Variants in ZSCAN5A observed in about 807,000 individuals in gnomAD.
ZSCAN5A encodes zinc finger and SCAN domain containing 5A.
ZSCAN5A carries 12 observed loss-of-function variants against 23.7 expected under a neutral mutation model. The observed-to-expected ratio is 0.51, with a 90% CI of 0.32 to 0.82. The LOEUF (loss-of-function observed/expected upper bound fraction) is 0.82. Ranked by LOEUF, ZSCAN5A falls within the 40% of genes least tolerant of loss-of-function variation. The pLI is 0.03. For synonymous variants in ZSCAN5A, 257 were observed against 239.9 expected (o/e 1.07, Z -0.66); for missense variants, 597 against 617.9 (o/e 0.97, Z 0.36).
chr19:56,353,563 G>T (rs948147412), intron 2 of ZSCAN5A, among the ~76,000 whole-genome samples: 3 of 152,058 alleles, frequency 2.0e-5, no homozygotes, highest in African/African-American at 7.2e-5. Flanking sequence ...AGGTCAGGAG[G>T]TCAGGAGATC....
At chr19:56,222,847 G>A in intron 4 of ZSCAN5A, 106 bp from the exon 5 acceptor site, 1 of 1,516,594 alleles carries the variant, frequency 6.6e-7, no homozygotes. Flanking sequence ...TAATGACACA[G>A]GTGTGGAAAT....
At chr19:56,244,066 A>AT in intron 2 of ZSCAN5A, 3 of 1,125,712 alleles carry the variant, frequency 2.7e-6, no homozygotes, top group Non-Finnish European at 3.9e-6. Context: ...GCAACTCCTC[A>AT]TGGGGTCAGG....
chr19:56,300,950 G>A (rs1259087063), intron 2 of ZSCAN5A, among the ~76,000 whole-genome samples: 1 of 152,176 alleles, frequency 6.6e-6, no homozygotes, highest in African/African-American at 2.4e-5. Context: ...GAAAGATCCT[G>A]CTGGCACTCA....
intron 2 of ZSCAN5A, among the ~76,000 whole-genome samples, chr19:56,302,532 C>CCCACCCCCCTTCCTT: frequency 3.7e-5 from 1 of 26,678 alleles, no homozygotes; most frequent in South Asian, 1.7e-3. Flanking sequence ...CTCCCTCCCT[C>CCCACCCCCCTTCCTT]TTCTTCCTCC....
chr19:56,332,736 G>A (rs896793394), intron 2 of ZSCAN5A, among the ~76,000 whole-genome samples: 1 of 152,150 alleles, frequency 6.6e-6, no homozygotes, highest in African/African-American at 2.4e-5. Flanking sequence ...TTTATTGGGT[G>A]GTTGCTTTAT....
chr19:56,340,765 C>T (rs1314302355), intron 2 of ZSCAN5A: 1 of 152,146 alleles, frequency 6.6e-6, no homozygotes, highest in East Asian at 1.9e-4. Context: ...TTTTGGTAAC[C>T]TCGAATTTTC....
At chr19:56,240,079 T>C (rs1485577718) in intron 2 of ZSCAN5A, among the ~76,000 whole-genome samples, 2 of 151,946 alleles carry the variant, frequency 1.3e-5, no homozygotes, top group Non-Finnish European at 2.9e-5. Context: ...GGAGAATCGC[T>C]TGAACCCAGG....
At chr19:56,338,416 A>G (rs765318748) in intron 2 of ZSCAN5A, 1 of 152,166 alleles carries the variant, frequency 6.6e-6, no homozygotes, top group African/African-American at 2.4e-5. Context: ...GATGGAGACA[A>G]TCTCCACAGC....
intron 2 of ZSCAN5A, among the ~76,000 whole-genome samples, chr19:56,328,851 T>C (rs916037512): frequency 6.0e-5 from 9 of 149,914 alleles, no homozygotes; most frequent in African/African-American, 2.0e-4. Flanking sequence ...AAAAATTAGC[T>C]GGGCATGGTG....
chr19:56,297,479 T>C, intron 2 of ZSCAN5A: 1 of 978,500 alleles, frequency 1.0e-6, no homozygotes, highest in South Asian at 4.7e-5. Context: ...CCTGCTTCTT[T>C]TTCTCCTCCA....
rs781036565 is a variant in ZSCAN5A at position 56,245,996 on chromosome 19, AC to A, written c.-127-20824del. Among the ~76,000 whole-genome samples, 101 of 152,224 alleles carry A rather than the reference AC, an allele frequency of 6.6e-4. 1 individual carries two copies. The highest frequency in any genetic ancestry group is 5.5e-3 in the Admixed American group (84 of 15,272). ...GTGGTGCCAGGGGTTAGGGGCCTCC[AC>A]CTAGAGTCATGCTCCTTCCAGTGTC... On this transcript the variant is annotated intron_variant, in intron 2 of 5. Transcript: ENST00000683990.
At chr19:56,261,136 A>T (rs1284539848) in intron 2 of ZSCAN5A, among the ~76,000 whole-genome samples, 1 of 151,740 alleles carries the variant, frequency 6.6e-6, no homozygotes, top group Non-Finnish European at 1.5e-5. Context: ...TGAACTTGGG[A>T]GGCGGAGGTT....
chr19:56,329,350 GAAAACA>G (rs1202719830), intron 2 of ZSCAN5A, among the ~76,000 whole-genome samples: 2 of 151,708 alleles, frequency 1.3e-5, no homozygotes, highest in Non-Finnish European at 1.5e-5. Flanking sequence ...CTCTGTCTCA[GAAAACA>G]AAAACAAAAA....
chr19:56,304,863 C>T (rs570789124), intron 2 of ZSCAN5A: 2 of 929,766 alleles, frequency 2.2e-6, no homozygotes, highest in Admixed American at 6.2e-5. Context: ...GCTTTTCCCA[C>T]CGCTGGGGTG....
At chr19:56,339,287 T>G (rs543407070) in intron 2 of ZSCAN5A, among the ~76,000 whole-genome samples, 4 of 152,244 alleles carry the variant, frequency 2.6e-5, no homozygotes, top group African/African-American at 9.6e-5. Context: ...TTTAGCAATA[T>G]GCGAAGGAGC....
chr19:56,253,088 C>T (rs988623043), intron 2 of ZSCAN5A, among the ~76,000 whole-genome samples: 4 of 152,150 alleles, frequency 2.6e-5, no homozygotes, highest in Non-Finnish European at 5.9e-5. Flanking sequence ...GACTTAGAAG[C>T]TGGGAGGCAA....
At chr19:56,247,196 A>C in intron 2 of ZSCAN5A, 2 of 514,596 alleles carry the variant, frequency 3.9e-6, no homozygotes, top group Non-Finnish European at 7.1e-6. Flanking sequence ...CTCCGCGTCC[A>C]CCAGCGAATC....
Position 56,224,895 on chromosome 19 carries a change from C to T in ZSCAN5A, c.152G>A (p.Ser51Asn). 1 of 1,614,194 alleles carries T rather than the reference C, an allele frequency of 6.2e-7. No homozygotes were observed. Residue 51 changes from serine to asparagine, a missense_variant, in exon 3 of 6, where the codon AGC (serine) becomes AAC (asparagine). Around this residue, in one of 5 missense-constraint regions of ZSCAN5A, gnomAD observed 72 missense variants for 76.8 expected, o/e 0.94. Transcript: ENST00000683990. Reference sequence around the variant, plus strand: ...GATGGGGTCCGACTCCTTCGGGCAGCTGAACATCCTGAAGTTCACGTGAGA... The same window carrying T: ...GATGGGGTCCGACTCCTTCGGGCAGTTGAACATCCTGAAGTTCACGTGAGA... The part of the protein sequence containing the change: ...EISHVNFRMF[S>N]CPKESDPIQA...
At chr19:56,302,613 CT>C (rs2040403748) in intron 2 of ZSCAN5A, among the ~76,000 whole-genome samples, 1 of 112,516 alleles carries the variant, frequency 8.9e-6, no homozygotes, top group Non-Finnish European at 1.8e-5. Context: ...CTTCCTCTCC[CT>C]CTTCCTCCCT....
Sources: allele counts gnomAD v4.1 joint callset (sites outside exome capture counted in the v4.1 genomes callset), GRCh38; gene constraint gnomAD v4.1.1; regional missense constraint gnomAD v4.1.1; transcripts MANE v1.5; gene names NCBI Gene and HGNC (gene_info 2026-07-23, HGNC 2026-07-21).